The following PUM1 variants were observed in gnomAD, a reference collection of about 807,000 sequenced individuals.
The protein encoded by PUM1 is pumilio homolog 1.
PUM1 carries 13 observed loss-of-function variants against 131.8 expected under a neutral mutation model. The observed-to-expected ratio is 0.10, with a 90% CI of 0.06 to 0.16. PUM1 has a LOEUF of 0.16. PUM1 is among the 10% of genes least tolerant of loss of function. The pLI is 1.00. For synonymous variants in PUM1, 509 were observed against 556.5 expected, an observed-to-expected ratio of 0.91 and a Z score of 1.20; for missense variants, 961 against 1,512.4, an observed-to-expected ratio of 0.64 and a Z score of 6.05.
rs770914753 is a variant in PUM1, at chr1:30,950,149, A to G, written c.2834T>C (p.Ile945Thr). ...TACAATTACCTGCTGGTCTGAAGGA[A>G]TAAACTCAAGAGCTTTCTGGATAAC... is the stretch of plus-strand genomic sequence containing the variant. ...CRVIQKALEF[I>T]PSDQQVINEM... is the part of the protein sequence containing the mutation. Residue 945 changes from isoleucine (I) to threonine (T), a missense_variant, in exon 17 of 22, where the codon ATT becomes ACT. By Grantham distance (89) the Ile-to-Thr change is moderately conservative. Around this residue, in one of 4 missense-constraint regions of PUM1, gnomAD observed 178 missense variants for 327.5 expected, o/e 0.54. Transcript: ENST00000426105. 1.2e-6 allele frequency: 2 copies of G among 1,613,454 alleles called. No individual in the cohort carries two copies. Among genetic ancestry groups the G allele is most frequent in the Admixed American group, 1.7e-5 (1 of 59,876 alleles).
intron 2 of PUM1, chr1:31,050,984 GC>G (rs1644094865): frequency 6.1e-6 from 1 of 163,262 alleles, no homozygotes; most frequent in Admixed American, 5.9e-5. Flanking sequence ...GCCTCAATAT[GC>G]CCCACCAGTG....
chr1:30,954,211 T>C (rs1475656274), intron 14 of PUM1, among the ~76,000 whole-genome samples: 2 of 152,188 alleles, frequency 1.3e-5, no homozygotes, highest in Non-Finnish European at 1.5e-5. Flanking sequence ...CCGTTGATGG[T>C]AGACTGCTAG....
intron 2 of PUM1, among the ~76,000 whole-genome samples, chr1:31,039,606 TA>T (rs1285344225): frequency 3.9e-5 from 6 of 152,128 alleles, no homozygotes; most frequent in African/African-American, 1.4e-4. Flanking sequence ...TGGGTGTATA[TA>T]AAAAGATGTT....
intron 3 of PUM1, among the ~76,000 whole-genome samples, chr1:31,026,637 C>T (rs1008367177): frequency 2.6e-5 from 4 of 152,176 alleles, no homozygotes; most frequent in Admixed American, 2.0e-4. Context: ...AGGGCACATG[C>T]CTTGCAGTGG....
rs1643439964 is a variant in PUM1 at position 31,031,759 on chromosome 1, A to G, written c.364-2895T>C. ...CACTATCTCTTCCCCTACCTTCAAAACTTGCTCATCCTGCCCTTGTAGCAT... is the reference window on the plus strand; with the variant it reads ...CACTATCTCTTCCCCTACCTTCAAAGCTTGCTCATCCTGCCCTTGTAGCAT... On this transcript the variant is annotated intron_variant, in intron 2 of 21. Transcript: ENST00000426105. Among the ~76,000 whole-genome samples the G allele has an allele frequency of 2.0e-5, 3 of 152,090 alleles. No homozygotes were observed. The South Asian group carries it at 6.2e-4, about 32-fold the overall frequency.
At chr1:30,993,613 C>T (rs1325003945) in intron 6 of PUM1, among the ~76,000 whole-genome samples, 2 of 152,112 alleles carry the variant, frequency 1.3e-5, no homozygotes. Flanking sequence ...CCTTCTCTTT[C>T]TTTCTCTCAC....
At chr1:31,032,273 A>G (rs761751804) in intron 2 of PUM1, among the ~76,000 whole-genome samples, 33 of 152,374 alleles carry the variant, frequency 2.2e-4, no homozygotes, top group East Asian at 1.9e-4. Flanking sequence ...AAACAAAACT[A>G]ATACTCAGAA....
intron 2 of PUM1, among the ~76,000 whole-genome samples, chr1:31,041,728 T>C (rs1326560233): frequency 6.6e-6 from 1 of 152,196 alleles, no homozygotes; most frequent in Non-Finnish European, 1.5e-5. Flanking sequence ...AAAAGTGTCC[T>C]GAGGCCTCAC....
At chr1:30,941,948 C>A in intron 19 of PUM1, 50 bp downstream of exon 19, 1 of 1,472,338 alleles carries the variant, frequency 6.8e-7, no homozygotes, top group South Asian at 1.1e-5. Context: ...AACTCTGGCC[C>A]TGCACAAGCC....
intron 3 of PUM1, among the ~76,000 whole-genome samples, chr1:31,019,838 G>T (rs1282792534): frequency 6.6e-6 from 1 of 152,006 alleles, no homozygotes; most frequent in Non-Finnish European, 1.5e-5. Flanking sequence ...AGCATATAAG[G>T]GATGTTATGT....
In PUM1 at chr1:30,932,657, A is replaced by C. The variant is rs1422836500; in HGVS notation, c.*554T>G. 8 of 147,320 alleles carry C rather than the reference A, an allele frequency of 5.4e-5. No homozygotes were observed. Among genetic ancestry groups the C allele is most frequent in the African/African-American group, 2.0e-4 (8 of 40,612 alleles). The allele number at this position is 147,320 out of a possible 1,614,324, so 9.1% of individuals were successfully genotyped here. A position where few individuals can be genotyped will look rare whatever the true frequency, so the allele number is the denominator to read the frequency against. The stretch of plus-strand genomic sequence containing the variant: ...TTTTTCATTATATATATATATATAT[A>C]TATATATATTTTTTATAAACAGTGT... On this transcript the variant is annotated 3_prime_UTR_variant, in exon 22 of 22. Coordinates refer to ENST00000426105, the MANE Select transcript of PUM1 (RefSeq NM_001020658.2).
At position 30,933,127 on chromosome 1, in the gene PUM1, A is replaced by C; in HGVS notation, c.*84T>G. 6.6e-7 allele frequency: 1 copy of C among 1,510,994 alleles called. No homozygotes were observed. Among genetic ancestry groups the C allele is most frequent in the Non-Finnish European group, 8.9e-7 (1 of 1,118,906 alleles). The allele number at this position is 1,510,994 out of a possible 1,614,324, so 93.6% of individuals were successfully genotyped here. On this transcript the variant is annotated 3_prime_UTR_variant, in exon 22 of 22. Coordinates refer to ENST00000426105, the MANE Select transcript of PUM1 (RefSeq NM_001020658.2). ...ACCACTTGCCCGTCTCAGACTCTAC[A>C]CTAGAACATTTCTGGTTGCTGGTTG...
chr1:30,942,191 TTATATATATATA>T lies in PUM1; in HGVS notation c.2995-80_2995-69del, dbSNP rs58848270. 7,789 of 144,464 alleles carry T rather than the reference TTATATATATATA, an allele frequency of 0.054. 321 individuals carry two copies. Among genetic ancestry groups the T allele is most frequent in the Non-Finnish European group, 0.07 (5,527 of 79,448 alleles). 8.9% of individuals were successfully genotyped at this position (144,464 alleles called of 1,614,324 possible). ...ACCACCTTCAATGCTTCAGTATTGTTTATATATATATATATATATATATATATATATATATAT... is the reference window on the plus strand; with the variant it reads ...ACCACCTTCAATGCTTCAGTATTGTTTATATATATATATATATATATATAT... On this transcript the variant is annotated intron_variant, in intron 18 of 21. Coordinates refer to ENST00000426105, the MANE Select transcript of PUM1 (RefSeq NM_001020658.2).
At chr1:31,020,232 A>C (rs1374714441) in intron 3 of PUM1, among the ~76,000 whole-genome samples, 1 of 152,220 alleles carries the variant, frequency 6.6e-6, no homozygotes, top group Non-Finnish European at 1.5e-5. Context: ...ATGTTGCTGC[A>C]AAGGACATAA....
intron 7 of PUM1, 148 bp downstream of exon 7, chr1:30,992,241 TA>T: frequency 9.3e-7 from 1 of 1,077,356 alleles, no homozygotes. Flanking sequence ...GGGGACTCTG[TA>T]AACCTACATC....
At chr1:31,026,719 C>A (rs1339221963) in intron 3 of PUM1, among the ~76,000 whole-genome samples, 1 of 152,116 alleles carries the variant, frequency 6.6e-6, no homozygotes, top group African/African-American at 2.4e-5. Flanking sequence ...TCTCTCTTGG[C>A]CTTTTTCCTT....
At chr1:31,038,205 A>AAAAAAAAAAAGAGAGAGAG (rs1280585782) in intron 2 of PUM1, among the ~76,000 whole-genome samples, 2 of 146,914 alleles carry the variant, frequency 1.4e-5, no homozygotes, top group African/African-American at 4.9e-5. Flanking sequence ...CTAAAGGTTA[A>AAAAAAAAAAAGAGAGAGAG]AAAAAAAAAA....
At chr1:30,955,383 C>T (rs1378871508) in intron 14 of PUM1, among the ~76,000 whole-genome samples, 1 of 149,424 alleles carries the variant, frequency 6.7e-6, no homozygotes, top group African/African-American at 2.5e-5. Flanking sequence ...AGGAGAATGG[C>T]GAACCCCGGA....
At position 31,039,111 on chromosome 1, in the gene PUM1, C is replaced by T. The variant is rs954587984; in HGVS notation, c.364-10247G>A. ...TGCCAGGTTCAAGCAGTCCTCCCACCTCAGCTGCCTGAGTAGCTGGGACTA... is the reference window on the plus strand; with the variant it reads ...TGCCAGGTTCAAGCAGTCCTCCCACTTCAGCTGCCTGAGTAGCTGGGACTA... On this transcript the variant is annotated intron_variant, in intron 2 of 21. Transcript: ENST00000426105. Among the ~76,000 whole-genome samples, 84 of 149,514 alleles carry T rather than the reference C, an allele frequency of 5.6e-4. 1 individual carries two copies. The highest frequency in any genetic ancestry group is 2.0e-3 in the African/African-American group (80 of 40,456).
Sources: allele counts gnomAD v4.1 joint callset (sites outside exome capture counted in the v4.1 genomes callset), GRCh38; gene constraint gnomAD v4.1.1; regional missense constraint gnomAD v4.1.1; transcripts MANE v1.5; gene names NCBI Gene and HGNC (gene_info 2026-07-23, HGNC 2026-07-21).